The following CCPG1 variants were observed in gnomAD, a reference collection of about 807,000 sequenced individuals.
CCPG1 encodes cell cycle progression 1.
Under a neutral mutation model 81.3 loss-of-function variants are expected in CCPG1, and 46 were observed. That is an observed-to-expected ratio of 0.57 (90% CI 0.45 to 0.72). The LOEUF (loss-of-function observed/expected upper bound fraction) is 0.72. Among genes scored for constraint, CCPG1 ranks in the 30% least tolerant of loss-of-function variants. The probability of loss-of-function intolerance (pLI) is 0.00; values close to 1 mark genes in which losing one functional copy is unlikely to be tolerated. For synonymous variants in CCPG1, 330 were observed against 305.2 expected (o/e 1.08, Z -0.85); for missense variants, 902 against 937.6 (o/e 0.96, Z 0.50).
chr15:55,379,302 T>C (rs1404297049), intron 3 of CCPG1, among the ~76,000 whole-genome samples: 1 of 151,826 alleles, frequency 6.6e-6, no homozygotes, highest in Non-Finnish European at 1.5e-5. Context: ...GCTGGAGGAC[T>C]GCTTGACGCT....
chr15:55,366,944 T>C (rs1279960400), intron 6 of CCPG1, among the ~76,000 whole-genome samples: 1 of 152,202 alleles, frequency 6.6e-6, no homozygotes, highest in African/African-American at 2.4e-5. Context: ...CTACTGAGTA[T>C]AGATACTATA....
intron 7 of CCPG1, among the ~76,000 whole-genome samples, chr15:55,361,642 G>A (rs2056199581): frequency 6.6e-6 from 1 of 151,450 alleles, no homozygotes; most frequent in South Asian, 2.1e-4. Flanking sequence ...GGAGGCGAAT[G>A]TTGCAGTGAG....
chr15:55,360,967 A>C (rs2056180651), intron 7 of CCPG1, 23 bp from the exon 8 acceptor site: 1 of 1,491,138 alleles, frequency 6.7e-7, no homozygotes, highest in East Asian at 2.3e-5. Context: ...TTGAAAGAGA[A>C]GAAATAAAAT....
chr15:55,363,072 G>A (rs1285862704), intron 7 of CCPG1, among the ~76,000 whole-genome samples: 3 of 151,092 alleles, frequency 2.0e-5, no homozygotes, highest in Admixed American at 1.3e-4. Context: ...AACAGGCCAG[G>A]CGCAGTGACT....
chr15:55,370,595 G>A (rs939969884), intron 6 of CCPG1, among the ~76,000 whole-genome samples: 1 of 152,170 alleles, frequency 6.6e-6, no homozygotes, highest in South Asian at 2.1e-4. Flanking sequence ...GTTCAAGACT[G>A]GCTGGGTGCG....
chr15:55,387,306 A>C (rs1046261088), intron 2 of CCPG1, among the ~76,000 whole-genome samples: 12 of 152,184 alleles, frequency 7.9e-5, no homozygotes, highest in African/African-American at 2.9e-4. Context: ...CTATATTGTT[A>C]ATTATCCTTG....
intron 8 of CCPG1, chr15:55,357,570 C>T (rs749186905): frequency 1.6e-5 from 6 of 368,690 alleles, no homozygotes; most frequent in African/African-American, 6.6e-5. Context: ...CAGTTTTAGG[C>T]GGGGTACAGT....
Position 55,356,806 on chromosome 15 carries a change from T to C in CCPG1, c.2235-397A>G, listed in dbSNP as rs1222928080. 4 of 992,396 alleles carry C rather than the reference T, an allele frequency of 4.0e-6. No individual in the cohort carries two copies. In the East Asian group the frequency reaches 3.3e-4, roughly 82 times the overall value. The allele number at this position is 992,396 out of a possible 1,614,324, so 61.5% of individuals were successfully genotyped here. A position where few individuals can be genotyped will look rare whatever the true frequency, so the allele number is the denominator to read the frequency against. On this transcript the variant is annotated intron_variant, in intron 8 of 8. Transcript: ENST00000442196. ...CAAAGCAAAACAAAAGTCTCAACTTTTTCTTACAGCAAAAGCTCACAACAC... is the reference window on the plus strand; with the variant it reads ...CAAAGCAAAACAAAAGTCTCAACTTCTTCTTACAGCAAAAGCTCACAACAC...
intron 5 of CCPG1, among the ~76,000 whole-genome samples, chr15:55,374,577 AAATT>A (rs1248807559): frequency 6.6e-6 from 1 of 152,222 alleles, no homozygotes; most frequent in Non-Finnish European, 1.5e-5. Context: ...GGAAAAAACA[AAATT>A]AAGCAATGGC....
Position 55,355,517 on chromosome 15 carries a change from G to C in CCPG1, c.*703C>G. On this transcript the variant is annotated 3_prime_UTR_variant, in exon 9 of 9. Transcript: ENST00000442196. ...CGGTAAACACTGGGTAAGATTCATG[G>C]AACTTAGAAAAAAGCTGTATGAACT... 1 of 1,129,798 alleles carries C rather than the reference G, an allele frequency of 8.9e-7. No individual in the cohort carries two copies. Among genetic ancestry groups the C allele is most frequent in the Non-Finnish European group, 1.3e-6 (1 of 793,654 alleles). 70.0% of individuals were successfully genotyped at this position (1,129,798 alleles called of 1,614,324 possible). A position where few individuals can be genotyped will look rare whatever the true frequency, so the allele number is the denominator to read the frequency against.
Position 55,355,327 on chromosome 15 carries a change from T to C in CCPG1, c.*893A>G, listed in dbSNP as rs1490598659. 1.2e-6 allele frequency: 2 copies of C among 1,611,286 alleles called. No individual in the cohort carries two copies. Among genetic ancestry groups the C allele is most frequent in the Non-Finnish European group, 1.7e-6 (2 of 1,177,786 alleles). On this transcript the variant is annotated 3_prime_UTR_variant, in exon 9 of 9. Coordinates refer to ENST00000442196, the MANE Select transcript of CCPG1 (RefSeq NM_001204450.2). ...TAATTTCAAGCAATTATAAAAGAAC[T>C]GCTGTTTTCTTCCACACTCACTTGC...
chr15:55,390,836 A>C (rs1288661627), intron 1 of CCPG1, among the ~76,000 whole-genome samples: 1 of 152,234 alleles, frequency 6.6e-6, no homozygotes, highest in Admixed American at 6.5e-5. Context: ...ACCTGAAATA[A>C]GGTATCAATT....
At chr15:55,372,741 T>C (rs2056479584) in intron 5 of CCPG1, 1 of 279,364 alleles carries the variant, frequency 3.6e-6, no homozygotes, top group Non-Finnish European at 7.2e-6. Flanking sequence ...TGTCTCTTCA[T>C]TCAGTTTCAA....
At chr15:55,397,893 C>T (rs1201582629) in intron 1 of CCPG1, among the ~76,000 whole-genome samples, 1 of 152,026 alleles carries the variant, frequency 6.6e-6, no homozygotes. Flanking sequence ...AGGAGAATCG[C>T]CTGAACTCGG....
chr15:55,366,509 C>T (rs906904559), intron 6 of CCPG1, among the ~76,000 whole-genome samples: 1 of 152,110 alleles, frequency 6.6e-6, no homozygotes, highest in Non-Finnish European at 1.5e-5. Context: ...CAGTAGCTCA[C>T]GCCTGTAATC....
intron 1 of CCPG1, among the ~76,000 whole-genome samples, chr15:55,392,709 G>T (rs893251697): frequency 1.3e-5 from 2 of 152,122 alleles, no homozygotes; most frequent in Non-Finnish European, 2.9e-5. Flanking sequence ...TAAAGACAGG[G>T]TTTTGCCATG....
chr15:55,368,233 C>A (rs2056372040), intron 6 of CCPG1, among the ~76,000 whole-genome samples: 1 of 152,126 alleles, frequency 6.6e-6, no homozygotes, highest in African/African-American at 2.4e-5. Flanking sequence ...AGCACCCCAC[C>A]TATTCCATTA....
chr15:55,361,219 G>A (rs2056187248), intron 7 of CCPG1, among the ~76,000 whole-genome samples: 1 of 151,278 alleles, frequency 6.6e-6, no homozygotes. Context: ...CCAGACTAGA[G>A]TGCAGTGGCG....
chr15:55,398,248 T>C (rs1220454934), intron 1 of CCPG1: 2 of 152,162 alleles, frequency 1.3e-5, no homozygotes, highest in Admixed American at 6.5e-5. Flanking sequence ...TCATCATTCC[T>C]GGGTAGCTAC....
Sources: allele counts gnomAD v4.1 joint callset (sites outside exome capture counted in the v4.1 genomes callset), GRCh38; gene constraint gnomAD v4.1.1; transcripts MANE v1.5; gene names NCBI Gene and HGNC (gene_info 2026-07-23, HGNC 2026-07-21).